Variants in GRIN2D observed in about 807,000 individuals in gnomAD.
GRIN2D encodes glutamate receptor ionotropic, NMDA 2D.
Under a neutral mutation model 103.2 loss-of-function variants are expected in GRIN2D, and 37 were observed. The observed-to-expected ratio is 0.36, with a 90% confidence interval of 0.28 to 0.47. The LOEUF (loss-of-function observed/expected upper bound fraction) is 0.47, where lower values mean the gene tolerates loss of function less well. GRIN2D is among the 20% of genes least tolerant of loss of function. GRIN2D has a pLI of 1.00. For synonymous variants in GRIN2D, 845 were observed against 885.6 expected (o/e 0.95, Z 0.81); for missense variants, 1,557 against 1,910.6 (o/e 0.81, Z 3.45).
At chr19:48,423,802 G>T (rs1046970013) in intron 11 of GRIN2D, among the ~76,000 whole-genome samples, 11 of 151,986 alleles carry the variant, frequency 7.2e-5, no homozygotes, top group African/African-American at 2.7e-4. Context: ...ACGTAAGGAA[G>T]GGTATGATCT....
At position 48,421,199 on chromosome 19, in the gene GRIN2D, C is replaced by T. The variant is rs547009494; in HGVS notation, c.2092-586C>T. Among the ~76,000 whole-genome samples the T allele has an allele frequency of 6.6e-5, 10 of 152,212 alleles. No individual in the cohort carries two copies. The highest frequency in any genetic ancestry group is 2.2e-4 in the African/African-American group (9 of 41,542). On this transcript the variant is annotated intron_variant, in intron 10 of 13. Coordinates refer to ENST00000263269, the MANE Select transcript of GRIN2D (RefSeq NM_000836.4). The surrounding 1 kb of genome is among the most constrained non-coding windows in gnomAD (Gnocchi z 4.8). ...ATCCCAGCACTTTGGGAGGCCAAGGCGGGCGGATCACCTGAGGTTGGTAGT... is the reference window on the plus strand; with the variant it reads ...ATCCCAGCACTTTGGGAGGCCAAGGTGGGCGGATCACCTGAGGTTGGTAGT...
chr19:48,425,595 G>A (rs1016772997), intron 11 of GRIN2D, among the ~76,000 whole-genome samples: 3 of 152,138 alleles, frequency 2.0e-5, no homozygotes, highest in African/African-American at 7.2e-5. Flanking sequence ...CAAGTGGTGA[G>A]AATGTGACTA....
In GRIN2D at chr19:48,414,124, C is replaced by G. The variant is rs1396374998; in HGVS notation, c.1200+19C>G. ...GGAGGTGGTGAGTCGTAGCCCCAGA[C>G]CTCAGGCATGGCAGAGGGTGTGGAC... On this transcript the variant is annotated intron_variant, in intron 5 of 13. Coordinates refer to ENST00000263269, the MANE Select transcript of GRIN2D (RefSeq NM_000836.4). The surrounding 1 kb of genome is among the most constrained non-coding windows in gnomAD (Gnocchi z 4.6). 1 of 1,424,946 alleles carries G rather than the reference C, an allele frequency of 7.0e-7. No homozygotes were observed. Among genetic ancestry groups the G allele is most frequent in the East Asian group, 2.3e-5 (1 of 44,034 alleles). The allele number at this position is 1,424,946 out of a possible 1,614,324, so 88.3% of individuals were successfully genotyped here. A position where few individuals can be genotyped will look rare whatever the true frequency, so the allele number is the denominator to read the frequency against.
chr19:48,408,067 G>C (rs941150157), intron 4 of GRIN2D, among the ~76,000 whole-genome samples: 29 of 152,056 alleles, frequency 1.9e-4, no homozygotes, highest in African/African-American at 7.0e-4. Flanking sequence ...GGGCGTGGTG[G>C]CTCACACCTG....
chr19:48,402,140 GAA>G (rs745827844), intron 3 of GRIN2D, among the ~76,000 whole-genome samples: 5,861 of 80,242 alleles, frequency 0.073, 165 homozygotes, highest in Middle Eastern at 0.13. Flanking sequence ...AAGAAAGAAA[GAA>G]AGAAAGAAAG....
At chr19:48,430,821 C>CTTTTTTTT (rs557084994) in intron 11 of GRIN2D, among the ~76,000 whole-genome samples, 18 of 128,908 alleles carry the variant, frequency 1.4e-4, no homozygotes, top group African/African-American at 2.5e-4. Flanking sequence ...TTTCTTTTTT[C>CTTTTTTTT]TTTTTTTTTT....
chr19:48,434,269 T>C (rs1345671590), intron 11 of GRIN2D, among the ~76,000 whole-genome samples: 1 of 151,484 alleles, frequency 6.6e-6, no homozygotes. Flanking sequence ...TCTATTTTCT[T>C]TTGAGATGCA....
intron 11 of GRIN2D, among the ~76,000 whole-genome samples, chr19:48,438,806 G>C (rs1317624434): frequency 6.6e-6 from 1 of 150,808 alleles, no homozygotes. Context: ...TTAGAGACAG[G>C]GTATCCCTCT....
intron 8 of GRIN2D, 27 bp from the exon 9 acceptor site, chr19:48,419,207 C>G: frequency 6.3e-7 from 1 of 1,592,384 alleles, no homozygotes; most frequent in Non-Finnish European, 8.5e-7. Flanking sequence ...TTGGCTGAGC[C>G]ATAACCACGC....
intron 8 of GRIN2D, 70 bp from the exon 9 acceptor site, chr19:48,419,164 G>A (rs535623532): frequency 3.4e-4 from 509 of 1,480,342 alleles, no homozygotes; most frequent in Non-Finnish European, 4.1e-4. Flanking sequence ...CAGGCGTGAG[G>A]CACCGCCCCA....
chr19:48,433,439 G>A (rs1971184985), intron 11 of GRIN2D, among the ~76,000 whole-genome samples: 1 of 152,182 alleles, frequency 6.6e-6, no homozygotes, highest in Admixed American at 6.5e-5. Context: ...CGAGCTAGTG[G>A]TTGCCATAGA....
chr19:48,419,441 AG>A (rs200616425), intron 9 of GRIN2D, 82 bp downstream of exon 9: 60 of 1,511,410 alleles, frequency 4.0e-5, no homozygotes, highest in East Asian at 3.2e-4. Context: ...CAGCCCCTGG[AG>A]GGGGGGCGGT....
At chr19:48,426,289 G>A (rs553554036) in intron 11 of GRIN2D, among the ~76,000 whole-genome samples, 15 of 139,380 alleles carry the variant, frequency 1.1e-4, no homozygotes, top group Non-Finnish European at 9.0e-5. Flanking sequence ...GCAGTTGCGC[G>A]ATCTCGGCTC....
rs1331836638 is a variant in GRIN2D, at chr19:48,398,755, G to T, written c.363G>T (p.Ser121=). ...RVHGVVFEDD[S]RAPAVAPILD... ...ACGGCGTGGTCTTCGAAGACGACTCGCGCGCGCCCGCCGTCGCGCCCATCC... is the reference window on the plus strand; with the variant it reads ...ACGGCGTGGTCTTCGAAGACGACTCTCGCGCGCCCGCCGTCGCGCCCATCC... The change falls in exon 3 of 14, where the codon TCG becomes TCT. Residue 121 remains serine (S), a synonymous_variant. Transcript: ENST00000263269. 1.4e-6 allele frequency: 2 copies of T among 1,464,062 alleles called. No individual in the cohort carries two copies. The highest frequency in any genetic ancestry group is 3.0e-5 in the East Asian group (1 of 33,410). The allele number at this position is 1,464,062 out of a possible 1,614,324, so 90.7% of individuals were successfully genotyped here.
intron 11 of GRIN2D, among the ~76,000 whole-genome samples, chr19:48,422,591 C>A (rs1401853152): frequency 6.7e-5 from 10 of 148,210 alleles, no homozygotes; most frequent in Non-Finnish European, 1.0e-4. Context: ...AGCCTGGCGA[C>A]AGAGCGAGAC....
Position 48,443,512 on chromosome 19 carries a change from A to C in GRIN2D, c.3586A>C (p.Ser1196Arg). 7.4e-7 allele frequency: 1 copy of C among 1,349,950 alleles called. No individual in the cohort carries two copies. The highest frequency in any genetic ancestry group is 1.7e-5 in the South Asian group (1 of 58,164). The allele number at this position is 1,349,950 out of a possible 1,614,324, so 83.6% of individuals were successfully genotyped here. Reference protein sequence around the residue: ...LELLPPPRHLSCSHDGLDGGW... With the variant: ...LELLPPPRHLRCSHDGLDGGW... ...GCTGCTGCCGCCGCCGCGCCATCTC[A>C]GCTGCTCGCACGATGGCCTGGACGG... Residue 1196 changes from serine to arginine, a missense_variant, in exon 14 of 14, where the codon AGC becomes CGC. Physicochemically the swap from Ser to Arg is moderately radical, Grantham distance 110. Coordinates refer to ENST00000263269, the MANE Select transcript of GRIN2D (RefSeq NM_000836.4). The surrounding 1 kb of genome is among the most constrained non-coding windows in gnomAD (Gnocchi z 8.9).
chr19:48,428,486 T>C (rs1971116738), intron 11 of GRIN2D, among the ~76,000 whole-genome samples: 1 of 151,190 alleles, frequency 6.6e-6, no homozygotes, highest in Non-Finnish European at 1.5e-5. Context: ...TCAGCCTCCC[T>C]CCTGTAGCTG....
At position 48,394,431 on chromosome 19, in the gene GRIN2D, CAGAT is replaced by C. The variant is rs1486446557; in HGVS notation, c.-305-223_-305-220del. ...TAGCTTCAGAGGTGACCCAGACAGA[CAGAT>C]AGACACAGACGCTGGAAGGGGGGGT... On this transcript the variant is annotated intron_variant, in intron 1 of 13. Coordinates refer to ENST00000263269, the MANE Select transcript of GRIN2D (RefSeq NM_000836.4). The surrounding 1 kb of genome is among the most constrained non-coding windows in gnomAD (Gnocchi z 5.1). 7.8e-6 allele frequency among the ~76,000 whole-genome samples: 1 copy of C among 128,132 alleles called. No homozygotes were observed. Among genetic ancestry groups the C allele is most frequent in the Non-Finnish European group, 1.5e-5 (1 of 65,016 alleles). 84.1% of individuals were successfully genotyped at this position (128,132 alleles called of 152,430 possible). A position where few individuals can be genotyped will look rare whatever the true frequency, so the allele number is the denominator to read the frequency against.
At chr19:48,436,910 T>G (rs1473277114) in intron 11 of GRIN2D, among the ~76,000 whole-genome samples, 1 of 152,022 alleles carries the variant, frequency 6.6e-6, no homozygotes, top group Non-Finnish European at 1.5e-5. Context: ...ACAGGGCCTC[T>G]AAACTCGAGG....
Sources: allele counts gnomAD v4.1 joint callset (sites outside exome capture counted in the v4.1 genomes callset), GRCh38; gene constraint gnomAD v4.1.1; non-coding constraint Gnocchi (gnomAD v3.1); transcripts MANE v1.5; gene names NCBI Gene and HGNC (gene_info 2026-07-23, HGNC 2026-07-21).